PCDHGA4: variants seen among roughly 807,000 people sequenced by gnomAD.
PCDHGA4 encodes the protein protocadherin gamma-A4.
A neutral mutation model predicts 54.6 loss-of-function variants in PCDHGA4; 38 were observed. The observed-to-expected ratio is 0.70, with a 90% CI of 0.54 to 0.91. PCDHGA4 has a LOEUF of 0.91. Among genes scored for constraint, PCDHGA4 ranks in the 40% least tolerant of loss-of-function variants. The probability of loss-of-function intolerance (pLI) is 0.00; values close to 1 mark genes in which losing one functional copy is unlikely to be tolerated. For synonymous variants in PCDHGA4, 511 were observed against 512.9 expected (o/e 1.00, Z 0.05); for missense variants, 1,298 against 1,220.9 (o/e 1.06, Z -0.94).
chr5:141,415,419 C>A, intron 1 of PCDHGA4: 1 of 1,614,196 alleles, frequency 6.2e-7, no homozygotes, highest in East Asian at 2.2e-5. Context: ...TGGGCGTGGA[C>A]GGGGTTCGGG....
At chr5:141,475,889 T>C in intron 1 of PCDHGA4, 1 of 562,248 alleles carries the variant, frequency 1.8e-6, no homozygotes, top group Non-Finnish European at 3.1e-6. Context: ...GCTGGGACTC[T>C]GTGTGCCGCT....
At chr5:141,408,055 C>CCGG in intron 1 of PCDHGA4, 1 of 1,299,130 alleles carries the variant, frequency 7.7e-7, no homozygotes, top group South Asian at 1.6e-5. Flanking sequence ...ACAGAGCCTC[C>CCGG]CGGCTGCGCA....
chr5:141,419,613 G>T (rs369914837), intron 1 of PCDHGA4: 144 of 1,612,020 alleles, frequency 8.9e-5, no homozygotes, highest in Admixed American at 1.5e-4. Context: ...GCGCAGCCAG[G>T]CTACCTGGTG....
chr5:141,486,578 C>A lies in PCDHGA4; in HGVS notation c.2515-8229C>A, dbSNP rs780578882. 5 of 1,613,610 alleles carry A rather than the reference C, an allele frequency of 3.1e-6. No homozygotes were observed. In the Admixed American group the frequency reaches 6.7e-5, roughly 22 times the overall value. On this transcript the variant is annotated intron_variant, in intron 1 of 3. Coordinates refer to ENST00000571252, the MANE Select transcript of PCDHGA4 (RefSeq NM_018917.4). The surrounding 1 kb of genome is among the most constrained non-coding windows in gnomAD (Gnocchi z 5.0). Reference sequence around the variant, plus strand: ...TGAGGTGTTTGTTCCTGAGAACAATCGCCCAGGGGACCTGCTTTGCTCCCT... The same window carrying A: ...TGAGGTGTTTGTTCCTGAGAACAATAGCCCAGGGGACCTGCTTTGCTCCCT...
intron 1 of PCDHGA4, chr5:141,403,227 G>T: frequency 1.9e-6 from 3 of 1,608,966 alleles, no homozygotes; most frequent in Non-Finnish European, 2.6e-6. Context: ...AGGATAGACC[G>T]GGAGGAGCTC....
intron 1 of PCDHGA4, chr5:141,441,823 C>T (rs538052540): frequency 3.9e-5 from 14 of 357,336 alleles, no homozygotes; most frequent in Non-Finnish European, 6.6e-5. Context: ...AGCTCTGGAG[C>T]GCAATGGCTT....
intron 1 of PCDHGA4, chr5:141,360,536 A>G (rs1213416174): frequency 6.2e-7 from 1 of 1,613,884 alleles, no homozygotes; most frequent in African/African-American, 1.3e-5. Flanking sequence ...CCGCTATTCA[A>G]ACAGACTAAG....
Position 141,374,705 on chromosome 5 carries a change from T to A in PCDHGA4, c.2514+17084T>A, listed in dbSNP as rs188037010. On this transcript the variant is annotated intron_variant, in intron 1 of 3. Coordinates refer to ENST00000571252, the MANE Select transcript of PCDHGA4 (RefSeq NM_018917.4). ...ACTGGACCGGGAAGGAGAAGCCGTTTACCGCCTGGTCCTTACTGCCATGGA... is the reference window on the plus strand; with the variant it reads ...ACTGGACCGGGAAGGAGAAGCCGTTAACCGCCTGGTCCTTACTGCCATGGA... 8 of 1,609,374 alleles carry A rather than the reference T, an allele frequency of 5.0e-6. No homozygotes were observed. In the African/African-American group the frequency reaches 8.0e-5, roughly 16 times the overall value.
intron 1 of PCDHGA4, chr5:141,365,029 C>T (rs1361601199): frequency 6.8e-6 from 11 of 1,613,864 alleles, no homozygotes; most frequent in Non-Finnish European, 9.3e-6. Context: ...TTACGGTCCT[C>T]GACGCAAACG....
chr5:141,369,379 T>G (rs1268907990), intron 1 of PCDHGA4, among the ~76,000 whole-genome samples: 1 of 152,066 alleles, frequency 6.6e-6, no homozygotes, highest in Non-Finnish European at 1.5e-5. Flanking sequence ...TTGTAAAAGT[T>G]TTTCATTTGG....
At chr5:141,414,883 G>A (rs572616023) in intron 1 of PCDHGA4, 1 of 1,614,176 alleles carries the variant, frequency 6.2e-7, no homozygotes, top group South Asian at 1.1e-5. Context: ...CCTGTACCCC[G>A]CCCTCCCCAC....
intron 1 of PCDHGA4, among the ~76,000 whole-genome samples, chr5:141,425,350 A>G (rs926657846): frequency 6.6e-6 from 1 of 152,194 alleles, no homozygotes; most frequent in Non-Finnish European, 1.5e-5. Context: ...TGGCTTTGAA[A>G]TGTGATATTA....
intron 1 of PCDHGA4, chr5:141,478,289 G>A (rs1210628852): frequency 1.2e-6 from 2 of 1,614,146 alleles, no homozygotes; most frequent in African/African-American, 2.7e-5. Context: ...GCAGTCTAGA[G>A]ACCTATACCG....
chr5:141,374,275 C>A (rs3749775), intron 1 of PCDHGA4: 85,315 of 1,613,944 alleles, frequency 0.053, 2,491 homozygotes, highest in African/African-American at 0.097. Flanking sequence ...AGCACGGAGT[C>A]CGCATCGTCT....
Position 141,490,972 on chromosome 5 carries a change from C to G in PCDHGA4, c.2515-3835C>G. 6.2e-7 allele frequency: 1 copy of G among 1,613,912 alleles called. No homozygotes were observed. Among genetic ancestry groups the G allele is most frequent in the Non-Finnish European group, 8.5e-7 (1 of 1,179,922 alleles). Reference sequence around the variant, plus strand: ...AGACTGGGAACACTCAGCCCCCCAGCGTCTCCCTCGCTCTGCTCCTCCTGG... The same window carrying G: ...AGACTGGGAACACTCAGCCCCCCAGGGTCTCCCTCGCTCTGCTCCTCCTGG... On this transcript the variant is annotated intron_variant, in intron 1 of 3. Coordinates refer to ENST00000571252, the MANE Select transcript of PCDHGA4 (RefSeq NM_018917.4). The surrounding 1 kb of genome is among the most constrained non-coding windows in gnomAD (Gnocchi z 5.4).
At chr5:141,399,805 T>C (rs776266997) in intron 1 of PCDHGA4, 26 of 1,613,074 alleles carry the variant, frequency 1.6e-5, no homozygotes, top group Non-Finnish European at 8.5e-7. Flanking sequence ...GCGGGTGCTG[T>C]ACCCCGCGCT....
chr5:141,366,703 T>C, intron 1 of PCDHGA4: 5 of 1,614,226 alleles, frequency 3.1e-6, no homozygotes, highest in Non-Finnish European at 3.4e-6. Context: ...GCGAGCCTCT[T>C]CTGATGTCTG....
intron 3 of PCDHGA4, among the ~76,000 whole-genome samples, chr5:141,509,064 C>T (rs890846779): frequency 6.6e-6 from 1 of 152,184 alleles, no homozygotes; most frequent in African/African-American, 2.4e-5. Flanking sequence ...AAGCTCTCAG[C>T]TCCGGGGATT....
At chr5:141,391,211 A>C (rs2092317474) in intron 1 of PCDHGA4, 1 of 152,220 alleles carries the variant, frequency 6.6e-6, no homozygotes, top group African/African-American at 2.4e-5. Flanking sequence ...AATACCAAGG[A>C]ACATTATATG....
Sources: gnomAD v4.1 joint callset for allele counts (sites outside exome capture counted in the v4.1 genomes callset) on GRCh38, gnomAD v4.1.1 for gene constraint, Gnocchi (gnomAD v3.1) non-coding constraint, MANE v1.5 for transcripts, NCBI Gene and HGNC (gene_info 2026-07-23, HGNC 2026-07-21) for gene names.